The following SCARA5 variants were observed in gnomAD, a reference collection of about 807,000 sequenced individuals.
SCARA5 encodes scavenger receptor class A, member 5 (putative).
SCARA5 carries 45 observed loss-of-function variants against 46.3 expected under a neutral mutation model. The ratio of observed to expected loss-of-function variants is 0.97; its 90% CI spans 0.76 to 1.24. The LOEUF is 1.24. Among genes scored for constraint, SCARA5 ranks in the 50% most tolerant of loss-of-function variants. The pLI, the probability that SCARA5 is intolerant of heterozygous loss-of-function variation, is 0.00. For missense variants in SCARA5, 680 were observed against 689.0 expected (o/e 0.99, Z 0.15); for synonymous variants, 333 against 306.5 (o/e 1.09, Z -0.90).
intron 3 of SCARA5, among the ~76,000 whole-genome samples, chr8:27,933,413 T>C (rs1807808130): frequency 6.6e-6 from 1 of 151,272 alleles, no homozygotes; most frequent in African/African-American, 2.4e-5. Context: ...TCCCAGCTAC[T>C]CAGGAGGCTG....
At chr8:27,949,702 T>C (rs976562294) in intron 3 of SCARA5, among the ~76,000 whole-genome samples, 6 of 152,190 alleles carry the variant, frequency 3.9e-5, no homozygotes, top group African/African-American at 1.2e-4. Flanking sequence ...CTTTTCCCCG[T>C]GGAAACTCAC....
At chr8:27,912,914 A>G (rs774284569) in intron 4 of SCARA5, among the ~76,000 whole-genome samples, 6 of 152,214 alleles carry the variant, frequency 3.9e-5, no homozygotes, top group Non-Finnish European at 5.9e-5. Flanking sequence ...TTCTGATTCT[A>G]TTAAATGTGC....
chr8:27,955,091 T>C (rs1808186312), intron 3 of SCARA5, among the ~76,000 whole-genome samples: 1 of 152,202 alleles, frequency 6.6e-6, no homozygotes, highest in East Asian at 1.9e-4. Context: ...AAGTCACTTC[T>C]GACACCATTG....
chr8:27,984,739 T>C (rs1808677843), intron 2 of SCARA5, among the ~76,000 whole-genome samples: 1 of 152,074 alleles, frequency 6.6e-6, no homozygotes, highest in Admixed American at 6.5e-5. Flanking sequence ...CATTCATTAT[T>C]CATCCATTTA....
At chr8:27,965,328 T>C (rs1808352960) in intron 3 of SCARA5, among the ~76,000 whole-genome samples, 1 of 152,366 alleles carries the variant, frequency 6.6e-6, no homozygotes, top group South Asian at 2.1e-4. Context: ...TCCAGATTCC[T>C]GCCCTGGGCT....
At chr8:27,912,323 C>CT (rs1563522645) in intron 4 of SCARA5, among the ~76,000 whole-genome samples, 1 of 152,248 alleles carries the variant, frequency 6.6e-6, no homozygotes, top group African/African-American at 2.4e-5. Flanking sequence ...CACACTGGCA[C>CT]TGTCCTCAGA....
At chr8:27,874,082 C>T (rs768096231) in intron 8 of SCARA5, among the ~76,000 whole-genome samples, 8 of 152,298 alleles carry the variant, frequency 5.3e-5, no homozygotes, top group Non-Finnish European at 7.4e-5. Context: ...ATTGAGGCCT[C>T]TGTGTGCTCA....
intron 2 of SCARA5, among the ~76,000 whole-genome samples, chr8:27,971,398 T>A (rs764303047): frequency 2.0e-5 from 3 of 152,212 alleles, no homozygotes; most frequent in Admixed American, 1.3e-4. Flanking sequence ...CAGAGTCCAA[T>A]GTACAGGACT....
chr8:27,972,706 A>T (rs1338231804), intron 2 of SCARA5, among the ~76,000 whole-genome samples: 3 of 152,028 alleles, frequency 2.0e-5, no homozygotes, highest in African/African-American at 4.8e-5. Context: ...TCTACAAAAA[A>T]TTTTTTTAAT....
intron 3 of SCARA5, among the ~76,000 whole-genome samples, chr8:27,952,991 G>A (rs1335385943): frequency 6.6e-6 from 1 of 152,198 alleles, no homozygotes; most frequent in Non-Finnish European, 1.5e-5. Flanking sequence ...CACTTTTGCA[G>A]GATAAATGTC....
intron 3 of SCARA5, among the ~76,000 whole-genome samples, chr8:27,954,412 C>A (rs765217460): frequency 6.6e-6 from 1 of 152,222 alleles, no homozygotes; most frequent in Non-Finnish European, 1.5e-5. Flanking sequence ...AAATTCCCCT[C>A]CATCCTTTGC....
intron 2 of SCARA5, among the ~76,000 whole-genome samples, chr8:27,978,685 A>AT (rs954439570): frequency 6.6e-6 from 1 of 151,884 alleles, no homozygotes; most frequent in Non-Finnish European, 1.5e-5. Flanking sequence ...AATTTTTAAA[A>AT]TTTTTTGTAG....
At chr8:27,960,109 T>A (rs1271586772) in intron 3 of SCARA5, among the ~76,000 whole-genome samples, 1 of 152,166 alleles carries the variant, frequency 6.6e-6, no homozygotes, top group East Asian at 1.9e-4. Context: ...AGGTCTGTAA[T>A]CCTTTGCTAT....
At chr8:27,963,999 C>T (rs923228685) in intron 3 of SCARA5, among the ~76,000 whole-genome samples, 2 of 152,198 alleles carry the variant, frequency 1.3e-5, no homozygotes, top group African/African-American at 4.8e-5. Flanking sequence ...GAAGCCCTCT[C>T]CCATGGCAGG....
chr8:27,893,543 C>T (rs768999092), intron 7 of SCARA5, among the ~76,000 whole-genome samples: 9 of 152,260 alleles, frequency 5.9e-5, no homozygotes, highest in Non-Finnish European at 1.2e-4. Context: ...GAAGGGGTCT[C>T]GGACATTGGC....
chr8:27,939,029 C>T (rs1482389706), intron 3 of SCARA5, among the ~76,000 whole-genome samples: 1 of 152,192 alleles, frequency 6.6e-6, no homozygotes, highest in Non-Finnish European at 1.5e-5. Context: ...TCATTCAGCA[C>T]CTACTGATTG....
chr8:27,891,089 G>GGGAT (rs1233827272), intron 7 of SCARA5, among the ~76,000 whole-genome samples: 9 of 152,082 alleles, frequency 5.9e-5, no homozygotes, highest in African/African-American at 1.9e-4. Context: ...GGTTGTTGAG[G>GGGAT]GGATCAGTGA....
intron 7 of SCARA5, among the ~76,000 whole-genome samples, chr8:27,896,682 G>A (rs984940309): frequency 1.3e-5 from 2 of 152,114 alleles, no homozygotes; most frequent in Non-Finnish European, 2.9e-5. Context: ...CTGAGTCAGC[G>A]AGAAAGACAG....
At chr8:27,938,780 C>T (rs1807895732) in intron 3 of SCARA5, among the ~76,000 whole-genome samples, 1 of 152,126 alleles carries the variant, frequency 6.6e-6, no homozygotes, top group Non-Finnish European at 1.5e-5. Flanking sequence ...ACTTTGTACA[C>T]ACCCTTTTAT....
Sources: allele counts gnomAD v4.1 joint callset (sites outside exome capture counted in the v4.1 genomes callset), GRCh38; gene constraint gnomAD v4.1.1; transcripts MANE v1.5; gene names NCBI Gene and HGNC (gene_info 2026-07-23, HGNC 2026-07-21).